HIVEP1: variants seen among roughly 807,000 people sequenced by gnomAD.
HIVEP1 encodes the protein zinc finger protein 40.
In HIVEP1, 36 loss-of-function variants were observed where a neutral mutation model predicts 180.0. The ratio of observed to expected loss-of-function variants is 0.20; its 90% CI spans 0.15 to 0.26. The LOEUF (loss-of-function observed/expected upper bound fraction) is 0.26. Among genes scored for constraint, HIVEP1 ranks in the 10% least tolerant of loss-of-function variants. The pLI is 1.00. For synonymous variants in HIVEP1, 1,239 were observed against 1,239.0 expected, an observed-to-expected ratio of 1.00 and a Z score of 0.00; for missense variants, 3,143 against 3,268.7, an observed-to-expected ratio of 0.96 and a Z score of 0.94.
chr6:12,201,456 G>C, the HIVEP1 span, among the ~76,000 whole-genome samples: 1 of 152,084 alleles, frequency 6.6e-6, no homozygotes, highest in Non-Finnish European at 1.5e-5. Flanking sequence ...CAGCCTGGAT[G>C]ACAAAGGGAG....
At chr6:12,201,305 C>T in the HIVEP1 span, among the ~76,000 whole-genome samples, 2 of 152,058 alleles carry the variant, frequency 1.3e-5, no homozygotes, top group African/African-American at 4.8e-5. Context: ...GGGGAAACCC[C>T]GTTTCTATAA....
intron 3 of HIVEP1, among the ~76,000 whole-genome samples, chr6:12,104,776 CTT>C (rs1774330612): frequency 6.6e-6 from 1 of 152,060 alleles, no homozygotes; most frequent in Non-Finnish European, 1.5e-5. Context: ...TTAAATCTAT[CTT>C]AGTTCTATTA....
At chr6:12,109,710 T>C (rs866769683) in intron 3 of HIVEP1, among the ~76,000 whole-genome samples, 1 of 152,332 alleles carries the variant, frequency 6.6e-6, no homozygotes, top group African/African-American at 2.4e-5. Flanking sequence ...AAAGTCATCC[T>C]TGAGGACTGG....
In HIVEP1 at chr6:12,058,007, G is replaced by GA. The variant is rs963374515; in HGVS notation, c.41-31170dup. 7.6e-4 allele frequency among the ~76,000 whole-genome samples: 116 copies of GA among 152,114 alleles called. 1 individual carries two copies. Among genetic ancestry groups the GA allele is most frequent in the African/African-American group, 2.6e-3 (106 of 41,506 alleles). On this transcript the variant is annotated intron_variant, in intron 2 of 8. Coordinates refer to ENST00000379388, the MANE Select transcript of HIVEP1 (RefSeq NM_002114.4). Reference sequence around the variant, plus strand: ...AGCCTTTTGACTTGCATGAGTAATTGAAAAAAAGAAAACCAATTGTGGCTT... The same window carrying GA: ...AGCCTTTTGACTTGCATGAGTAATTGAAAAAAAAGAAAACCAATTGTGGCTT...
Position 12,123,613 on chromosome 6 carries a change from C to T in HIVEP1, c.3818C>T (p.Pro1273Leu). Residue 1273 changes from proline to leucine, a missense_variant, in exon 4 of 9, where the codon CCA becomes CTA. Around this residue, in one of 12 missense-constraint regions of HIVEP1, gnomAD observed 1,357 missense variants for 1,260.5 expected, o/e 1.08. Transcript: ENST00000379388. ...PQRSETLSKL[P>L]TEKLPPKKKR... Reference sequence around the variant, plus strand: ...CGTAGTGAAACCTTGTCAAAATTGCCAACAGAGAAACTGCCACCCAAAAAG... The same window carrying T: ...CGTAGTGAAACCTTGTCAAAATTGCTAACAGAGAAACTGCCACCCAAAAAG... The T allele has an allele frequency of 6.2e-7, 1 of 1,614,102 alleles. No homozygotes were observed. The highest frequency in any genetic ancestry group is 8.5e-7 in the Non-Finnish European group (1 of 1,180,014).
At position 12,161,651 on chromosome 6, in the gene HIVEP1, A is replaced by G. The variant is rs1009786374; in HGVS notation, c.6700A>G (p.Ile2234Val). 6.2e-7 allele frequency: 1 copy of G among 1,614,044 alleles called. No homozygotes were observed. The highest frequency in any genetic ancestry group is 1.3e-5 in the African/African-American group (1 of 74,930). The change falls in exon 8 of 9, where the codon ATC becomes GTC. Residue 2234 changes from isoleucine to valine, a missense_variant. Ile to Val is a conservative substitution (Grantham distance 29). This residue lies in a region of HIVEP1 where 595 missense variants were observed against 602.2 expected (regional missense o/e 0.99). Transcript: ENST00000379388. ...DPVSTDEDVR[I>V]TDCFSGVHTD... The stretch of plus-strand genomic sequence containing the variant: ...TGTGAGTACTGACGAGGATGTCAGG[A>G]TCACCGATTGCTTTTCTGGGGTACA...
the HIVEP1 span, among the ~76,000 whole-genome samples, chr6:12,178,748 A>ACAT: frequency 0.052 from 7,994 of 152,270 alleles, 304 homozygotes; most frequent in Non-Finnish European, 0.082. Context: ...CCACTCCCTT[A>ACAT]CATCAGCTCT....
the HIVEP1 span, among the ~76,000 whole-genome samples, chr6:12,183,823 G>T: frequency 6.6e-6 from 1 of 152,146 alleles, no homozygotes; most frequent in Non-Finnish European, 1.5e-5. Flanking sequence ...GCAAGAGATA[G>T]AATTTATGGT....
At position 12,124,658 on chromosome 6, in the gene HIVEP1, G is replaced by A; in HGVS notation, c.4863G>A (p.Arg1621=). The A allele has an allele frequency of 1.2e-6, 2 of 1,614,112 alleles. No individual in the cohort carries two copies. The highest frequency in any genetic ancestry group is 1.1e-5 in the South Asian group (1 of 91,074). ...NSHPLLPPEL[R]PLGSQVQKVP... ...ATCCTCTGCTACCACCAGAGCTCAG[G>A]CCCCTTGGAAGTCAGGTGCAGAAGG... Residue 1621 remains arginine, a synonymous_variant, in exon 4 of 9, where the codon AGG becomes AGA. Transcript: ENST00000379388.
chr6:12,187,147 G>A, the HIVEP1 span, among the ~76,000 whole-genome samples: 83 of 152,166 alleles, frequency 5.5e-4, no homozygotes, highest in African/African-American at 1.8e-3. Flanking sequence ...AGTGGTAATC[G>A]GGGTCATAGA....
chr6:12,191,511 T>A, the HIVEP1 span, among the ~76,000 whole-genome samples: 2 of 152,188 alleles, frequency 1.3e-5, no homozygotes, highest in Non-Finnish European at 2.9e-5. Flanking sequence ...GGAGGATTGC[T>A]TGAGCCCAGA....
At chr6:12,140,465 C>T (rs956986873) in intron 7 of HIVEP1, among the ~76,000 whole-genome samples, 1 of 152,204 alleles carries the variant, frequency 6.6e-6, no homozygotes, top group South Asian at 2.1e-4. Flanking sequence ...CTCTTCTCTT[C>T]CAAAAGATCG....
chr6:12,051,857 T>C (rs1335179401), intron 2 of HIVEP1, among the ~76,000 whole-genome samples: 1 of 152,254 alleles, frequency 6.6e-6, no homozygotes, highest in African/African-American at 2.4e-5. Context: ...TCCATAATTA[T>C]ACTTCAGCAA....
At chr6:12,056,995 C>A (rs1377419757) in intron 2 of HIVEP1, among the ~76,000 whole-genome samples, 1 of 152,008 alleles carries the variant, frequency 6.6e-6, no homozygotes, top group Admixed American at 6.6e-5. Flanking sequence ...CAGCACCACA[C>A]CTGACTAATT....
chr6:12,151,106 G>T (rs1231418734), intron 7 of HIVEP1, among the ~76,000 whole-genome samples: 1 of 152,168 alleles, frequency 6.6e-6, no homozygotes, highest in Non-Finnish European at 1.5e-5. Flanking sequence ...TTTATCTTTA[G>T]GGAAGTTGTT....
At chr6:12,131,317 C>G (rs1246898055) in intron 6 of HIVEP1, among the ~76,000 whole-genome samples, 1 of 151,764 alleles carries the variant, frequency 6.6e-6, no homozygotes, top group Non-Finnish European at 1.5e-5. Flanking sequence ...TCGCTGGGTG[C>G]TAAAAGATTG....
At chr6:12,155,719 GTTATC>G (rs1760000393) in intron 7 of HIVEP1, among the ~76,000 whole-genome samples, 1 of 152,114 alleles carries the variant, frequency 6.6e-6, no homozygotes, top group Non-Finnish European at 1.5e-5. Flanking sequence ...ATGCATGCAT[GTTATC>G]TTTATAGTAA....
intron 2 of HIVEP1, among the ~76,000 whole-genome samples, chr6:12,059,013 A>G (rs1171627481): frequency 6.6e-6 from 1 of 151,530 alleles, no homozygotes; most frequent in Non-Finnish European, 1.5e-5. Flanking sequence ...GTGCAGTGAC[A>G]CAATCTTGGC....
At chr6:12,155,113 C>T (rs773962007) in intron 7 of HIVEP1, among the ~76,000 whole-genome samples, 3 of 152,080 alleles carry the variant, frequency 2.0e-5, no homozygotes, top group Non-Finnish European at 2.9e-5. Context: ...GTTTTGAATA[C>T]GATAAATTTC....
Sources: allele counts gnomAD v4.1 joint callset (sites outside exome capture counted in the v4.1 genomes callset), GRCh38; gene constraint gnomAD v4.1.1; regional missense constraint gnomAD v4.1.1; transcripts MANE v1.5; gene names NCBI Gene and HGNC (gene_info 2026-07-23, HGNC 2026-07-21).